Variants in DNAH10 observed in about 807,000 individuals in gnomAD.
The protein encoded by DNAH10 is axonemal beta dynein heavy chain 10.
A neutral mutation model predicts 506.6 loss-of-function variants in DNAH10; 348 were observed. The ratio of observed to expected loss-of-function variants is 0.69; its 90% confidence interval spans 0.63 to 0.75. DNAH10 has a LOEUF of 0.75. Ranked by LOEUF, DNAH10 falls within the 30% of genes least tolerant of loss-of-function variation. DNAH10 has a pLI of 0.00. For synonymous variants in DNAH10, 2,059 were observed against 2,198.6 expected, an observed-to-expected ratio of 0.94 and a Z score of 1.78; for missense variants, 5,179 against 5,787.1, an observed-to-expected ratio of 0.89 and a Z score of 3.41.
At chr12:123,810,535 C>T (rs1467253513) in intron 19 of DNAH10, among the ~76,000 whole-genome samples, 1 of 151,976 alleles carries the variant, frequency 6.6e-6, no homozygotes, top group Non-Finnish European at 1.5e-5. Flanking sequence ...CACACACATA[C>T]ACACAAAATT....
chr12:123,870,624 G>A, intron 44 of DNAH10, 139 bp downstream of exon 44: 1 of 1,289,134 alleles, frequency 7.8e-7, no homozygotes, highest in Non-Finnish European at 1.0e-6. Context: ...TGAAGAGGGT[G>A]AGCTGTGGGC....
intron 50 of DNAH10, 98 bp from the exon 51 acceptor site, chr12:123,881,527 G>A: frequency 8.1e-7 from 1 of 1,242,046 alleles, no homozygotes; most frequent in Non-Finnish European, 1.1e-6. Flanking sequence ...ATTTGTTTAA[G>A]TTCTTTGTAG....
At chr12:123,770,727 G>GCACAGTTGATGCCAAAGC (rs1957221476) in intron 2 of DNAH10, among the ~76,000 whole-genome samples, 2 of 152,100 alleles carry the variant, frequency 1.3e-5, no homozygotes, top group African/African-American at 4.8e-5. Flanking sequence ...CAGTGACTTT[G>GCACAGTTGATGCCAAAGC]CACAGTGCCT....
rs570148371 is a variant in DNAH10 at position 123,838,708 on chromosome 12, C to T, written c.5136+19C>T. Reference sequence around the variant, plus strand: ...GATCAAGGTCAGCCCTCTGGGTGTGCAGGGGCTCCCCGTGTAAGCCTTAGA... The same window carrying T: ...GATCAAGGTCAGCCCTCTGGGTGTGTAGGGGCTCCCCGTGTAAGCCTTAGA... On this transcript the variant is annotated intron_variant, in intron 29 of 78. Coordinates refer to ENST00000673944, the MANE Select transcript of DNAH10 (RefSeq NM_001372106.1). 253 of 1,605,702 alleles carry T rather than the reference C, an allele frequency of 1.6e-4. 1 individual carries two copies. The South Asian group carries it at 2.5e-3, about 16-fold the overall frequency.
chr12:123,932,594 C>A (rs1955270233), intron 76 of DNAH10: 1 of 154,630 alleles, frequency 6.5e-6, no homozygotes, highest in African/African-American at 2.4e-5. Flanking sequence ...GATCAAAGAG[C>A]TTGTGCATTT....
At chr12:123,923,507 G>C in intron 65 of DNAH10, 1 of 308,400 alleles carries the variant, frequency 3.2e-6, no homozygotes, top group Non-Finnish European at 5.9e-6. Flanking sequence ...AGGTTGGTGT[G>C]ATTTTACCTC....
chr12:123,825,978 T>C (rs1959941664), intron 24 of DNAH10, among the ~76,000 whole-genome samples: 1 of 151,780 alleles, frequency 6.6e-6, no homozygotes, highest in African/African-American at 2.4e-5. Context: ...ATAAAAAATA[T>C]CCAGGCCTGG....
At chr12:123,803,574 C>T in intron 16 of DNAH10, 87 bp from the exon 17 acceptor site, 1 of 1,285,698 alleles carries the variant, frequency 7.8e-7, no homozygotes, top group Non-Finnish European at 1.0e-6. Context: ...CAAAGGGATG[C>T]CAGTATTAAC....
At chr12:123,824,059 G>A (rs1391385358) in intron 24 of DNAH10, among the ~76,000 whole-genome samples, 1 of 152,134 alleles carries the variant, frequency 6.6e-6, no homozygotes, top group Non-Finnish European at 1.5e-5. Flanking sequence ...CACACTGGGT[G>A]GCTTCTGGGA....
In DNAH10 at chr12:123,813,994, A is replaced by G. The variant is rs189456765; in HGVS notation, c.3780+82A>G. ...CTTTTCAGAAATGCTTCTCAAGTAT[A>G]CTGCCATTGATTTGTTTTCAAATAA... On this transcript the variant is annotated intron_variant, in intron 21 of 78. Transcript: ENST00000673944. 40 of 1,310,642 alleles carry G rather than the reference A, an allele frequency of 3.1e-5. No individual in the cohort carries two copies. In the African/African-American group the frequency reaches 5.2e-4, roughly 17 times the overall value. 81.2% of individuals were successfully genotyped at this position (1,310,642 alleles called of 1,614,324 possible).
chr12:123,921,145 T>C (rs142056001), intron 65 of DNAH10, among the ~76,000 whole-genome samples: 61 of 152,344 alleles, frequency 4.0e-4, no homozygotes, highest in African/African-American at 1.5e-3. Context: ...AATTTTGTGC[T>C]CGCCTCTCTG....
intron 72 of DNAH10, 150 bp from the exon 73 acceptor site, chr12:123,930,252 C>G: frequency 1.4e-6 from 1 of 698,660 alleles, no homozygotes; most frequent in South Asian, 2.6e-5. Flanking sequence ...AACAGTGGCC[C>G]GAAAGGTTAT....
At chr12:123,849,291 T>TA (rs1402781469) in intron 34 of DNAH10, among the ~76,000 whole-genome samples, 2 of 152,210 alleles carry the variant, frequency 1.3e-5, no homozygotes, top group Non-Finnish European at 2.9e-5. Flanking sequence ...CTTGTGAAGT[T>TA]ACGGCATCAT....
chr12:123,805,128 A>G, intron 18 of DNAH10, 88 bp downstream of exon 18: 1 of 1,376,326 alleles, frequency 7.3e-7, no homozygotes, highest in Non-Finnish European at 9.9e-7. Context: ...GTGGCAAGGT[A>G]GAGAATGAAA....
chr12:123,914,405 C>T lies in DNAH10; in HGVS notation c.10429C>T (p.Leu3477Phe), dbSNP rs763801068. ...GGACTGCCTGCTCTGCGCGGCTTTCCTCAGCTACGAGGGAGCCTTCACCTG... is the reference window on the plus strand; with the variant it reads ...GGACTGCCTGCTCTGCGCGGCTTTCTTCAGCTACGAGGGAGCCTTCACCTG... ...LGDCLLCAAF[L>F]SYEGAFTWEF... The change falls in exon 61 of 79, where the codon CTC becomes TTC. Residue 3477 changes from leucine (L) to phenylalanine (F), a missense_variant. By Grantham distance (22) the Leu-to-Phe change is conservative (BLOSUM62 0). Coordinates refer to ENST00000673944, the MANE Select transcript of DNAH10 (RefSeq NM_001372106.1). 3 of 1,613,700 alleles carry T rather than the reference C, an allele frequency of 1.9e-6. No homozygotes were observed. Among genetic ancestry groups the T allele is most frequent in the East Asian group, 4.5e-5 (2 of 44,884 alleles).
chr12:123,766,839 A>G (rs1427635088), intron 1 of DNAH10, among the ~76,000 whole-genome samples: 1 of 151,314 alleles, frequency 6.6e-6, no homozygotes, highest in Non-Finnish European at 1.5e-5. Flanking sequence ...CCTTACTCTA[A>G]TTTATGTAAA....
chr12:123,891,979 G>C (rs367584468), intron 52 of DNAH10, among the ~76,000 whole-genome samples: 1 of 152,210 alleles, frequency 6.6e-6, no homozygotes, highest in Non-Finnish European at 1.5e-5. Context: ...CCCACCAGGG[G>C]AGCTAGTTGG....
At chr12:123,934,215 C>T (rs772588924) in intron 77 of DNAH10, 23 of 701,538 alleles carry the variant, frequency 3.3e-5, no homozygotes, top group Non-Finnish European at 5.2e-5. Context: ...TGTGAGGCTT[C>T]GACTTCCTGC....
intron 24 of DNAH10, 98 bp from the exon 25 acceptor site, chr12:123,826,589 T>C: frequency 1.8e-6 from 2 of 1,097,864 alleles, no homozygotes; most frequent in South Asian, 3.3e-5. Context: ...GGTAATACTT[T>C]AAAATATCTG....
Sources: allele counts gnomAD v4.1 joint callset (sites outside exome capture counted in the v4.1 genomes callset), GRCh38; gene constraint gnomAD v4.1.1; transcripts MANE v1.5; gene names NCBI Gene and HGNC (gene_info 2026-07-23, HGNC 2026-07-21).